IVNS1ABP: variants seen among roughly 807,000 people sequenced by gnomAD.
IVNS1ABP encodes influenza virus NS1A binding protein.
Under a neutral mutation model 78.9 loss-of-function variants are expected in IVNS1ABP, and 25 were observed. The observed-to-expected ratio is 0.32, with a 90% CI of 0.23 to 0.44. The LOEUF is 0.44. Among genes scored for constraint, IVNS1ABP ranks in the 20% least tolerant of loss-of-function variants. The pLI is 1.00. For missense variants in IVNS1ABP, 494 were observed against 768.9 expected, an observed-to-expected ratio of 0.64 and a Z score of 4.23; for synonymous variants, 241 against 259.7, an observed-to-expected ratio of 0.93 and a Z score of 0.69.
chr1:185,315,392 T>A lies in IVNS1ABP; in HGVS notation c.-247+1561A>T, dbSNP rs576199472. 6.0e-4 allele frequency among the ~76,000 whole-genome samples: 91 copies of A among 152,314 alleles called. 3 individuals are homozygous for A. The South Asian group carries it at 0.019, about 31-fold the overall frequency. On this transcript the variant is annotated intron_variant, in intron 1 of 14. Transcript: ENST00000367498. Reference sequence around the variant, plus strand: ...AAATGTTTTGTCTTGGGGGGAAAGTTAGAAAATCAACTACAAATTAAGACA... The same window carrying A: ...AAATGTTTTGTCTTGGGGGGAAAGTAAGAAAATCAACTACAAATTAAGACA...
chr1:185,313,168 T>G (rs1665930096), intron 1 of IVNS1ABP, among the ~76,000 whole-genome samples: 1 of 152,194 alleles, frequency 6.6e-6, no homozygotes, highest in Middle Eastern at 3.2e-3. Flanking sequence ...ACTGCAGCCC[T>G]TGGAGAAAAC....
rs1206511413 is a variant in IVNS1ABP at position 185,306,417 on chromosome 1, T to C, written c.657+597A>G. The C allele has an allele frequency of 9.1e-6, 11 of 1,213,188 alleles. No homozygotes were observed. In the South Asian group the frequency reaches 1.3e-4, roughly 14 times the overall value. 75.2% of individuals were successfully genotyped at this position (1,213,188 alleles called of 1,614,324 possible). ...GTAGCCCAAGTTAAGTGAGTGACTA[T>C]ATGTATGAACAACACCATTGAAAAA... On this transcript the variant is annotated intron_variant, in intron 7 of 14. Transcript: ENST00000367498.
chr1:185,314,363 TTAACTCAGTTCTC>T (rs1180404220), intron 1 of IVNS1ABP, among the ~76,000 whole-genome samples: 23 of 152,290 alleles, frequency 1.5e-4, no homozygotes, highest in African/African-American at 5.5e-4. Flanking sequence ...ACAATAGAAG[TTAACTCAGTTCTC>T]TAGCCTGGAA....
intron 8 of IVNS1ABP, among the ~76,000 whole-genome samples, chr1:185,302,653 T>A (rs1385852482): frequency 6.6e-6 from 1 of 152,160 alleles, no homozygotes; most frequent in African/African-American, 2.4e-5. Context: ...GGTTACAACA[T>A]ACGTAGGCTA....
chr1:185,302,923 T>C (rs981435141), intron 8 of IVNS1ABP, among the ~76,000 whole-genome samples: 4 of 152,146 alleles, frequency 2.6e-5, no homozygotes, highest in African/African-American at 7.2e-5. Flanking sequence ...TGACAAGTTA[T>C]GTCATACTAT....
Position 185,309,527 on chromosome 1 carries a change from A to C in IVNS1ABP, c.-18-16T>G, listed in dbSNP as rs1306968258. The C allele has an allele frequency of 7.8e-7, 1 of 1,276,768 alleles. No homozygotes were observed. The highest frequency in any genetic ancestry group is 1.2e-5 in the South Asian group (1 of 83,262). The allele number at this position is 1,276,768 out of a possible 1,614,324, so 79.1% of individuals were successfully genotyped here. ...ATAAATTTGGCTAGATGATGAAAAG[A>C]AAGCTGAGTTATTTTACTTGCAACT... is the stretch of plus-strand genomic sequence containing the variant. On this transcript the variant is annotated splice_polypyrimidine_tract_variant and intron_variant, in intron 2 of 14. Coordinates refer to ENST00000367498, the MANE Select transcript of IVNS1ABP (RefSeq NM_006469.5).
chr1:185,306,523 T>C, intron 7 of IVNS1ABP: 1 of 1,289,508 alleles, frequency 7.8e-7, no homozygotes, highest in Non-Finnish European at 1.0e-6. Flanking sequence ...AGCGGATTTT[T>C]CTTAGGAGAA....
At chr1:185,306,987 T>A in intron 7 of IVNS1ABP, 27 bp downstream of exon 7, 1 of 1,607,494 alleles carries the variant, frequency 6.2e-7, no homozygotes, top group Non-Finnish European at 8.5e-7. Flanking sequence ...TTAAAAATGG[T>A]TGAATCCCAT....
In IVNS1ABP at chr1:185,298,191, A is replaced by G; in HGVS notation, c.1773T>C (p.Asn591=). Residue 591 remains asparagine (N), a synonymous_variant, in exon 15 of 15, where the codon AAT becomes AAC. Coordinates refer to ENST00000367498, the MANE Select transcript of IVNS1ABP (RefSeq NM_006469.5). The surrounding 1 kb of genome is among the most constrained non-coding windows in gnomAD (Gnocchi z 4.1). The part of the protein sequence containing the change: ...PTRNEWKMMG[N]MTSPRSNAGI... ...CAGCATTGCTCCTTGGTGAAGTCAT[A>G]TTTCCCATCATCTTCCATTCATTTC... 1 of 1,613,790 alleles carries G rather than the reference A, an allele frequency of 6.2e-7. No homozygotes were observed. Among genetic ancestry groups the G allele is most frequent in the Non-Finnish European group, 8.5e-7 (1 of 1,179,820 alleles).
Position 185,307,644 on chromosome 1 carries a change from G to A in IVNS1ABP, c.376C>T (p.Leu126=). Residue 126 remains leucine (L), a synonymous_variant, in exon 6 of 15, where the codon CTG becomes TTG. Transcript: ENST00000367498. ...CAGCTGGTAACATCCATTCTAGACA[G>A]TAAATAATCACCACAAACCTTGGAA... The part of the protein sequence containing the change: ...RVKQVCGDYL[L]SRMDVTSCIS... The A allele has an allele frequency of 1.2e-6, 2 of 1,612,764 alleles. No homozygotes were observed. The highest frequency in any genetic ancestry group is 1.7e-6 in the Non-Finnish European group (2 of 1,179,366).
rs766839549 is a variant in IVNS1ABP at position 185,297,163 on chromosome 1, A to C, written c.*872T>G. Reference sequence around the variant, plus strand: ...TAGGACTGTTTTGTTAATAATAAAAACAGGAATTATATAGAAGATAAAACA... The same window carrying C: ...TAGGACTGTTTTGTTAATAATAAAACCAGGAATTATATAGAAGATAAAACA... On this transcript the variant is annotated 3_prime_UTR_variant, in exon 15 of 15. Transcript: ENST00000367498. 3 of 152,166 alleles carry C rather than the reference A, an allele frequency of 2.0e-5. No homozygotes were observed. Among genetic ancestry groups the C allele is most frequent in the Non-Finnish European group, 2.9e-5 (2 of 68,020 alleles). The allele number at this position is 152,166 out of a possible 1,614,324, so 9.4% of individuals were successfully genotyped here. A position where few individuals can be genotyped will look rare whatever the true frequency, so the allele number is the denominator to read the frequency against.
chr1:185,301,304 T>C (rs1395659539), intron 9 of IVNS1ABP, 108 bp from the exon 10 acceptor site: 1 of 1,420,760 alleles, frequency 7.0e-7, no homozygotes, highest in African/African-American at 1.4e-5. Context: ...AACAATCTGC[T>C]CTCGTTTTCC....
chr1:185,309,901 A>C (rs748056467), intron 2 of IVNS1ABP, among the ~76,000 whole-genome samples: 5 of 152,180 alleles, frequency 3.3e-5, no homozygotes, highest in Non-Finnish European at 7.4e-5. Flanking sequence ...GTTTCCTTGG[A>C]TTTGGGCTCC....
intron 9 of IVNS1ABP, 114 bp downstream of exon 9, chr1:185,301,320 T>A: frequency 6.9e-7 from 1 of 1,456,286 alleles, no homozygotes; most frequent in East Asian, 2.3e-5. Context: ...TTTCCAAATT[T>A]AATTGCTTCT....
At chr1:185,302,750 G>A (rs74890596) in intron 8 of IVNS1ABP, among the ~76,000 whole-genome samples, 1,757 of 152,018 alleles carry the variant, frequency 0.012, 68 homozygotes, top group East Asian at 0.086. Context: ...GGTATTACTA[G>A]GTACTTTATT....
chr1:185,300,714 G>C, intron 10 of IVNS1ABP, 156 bp from the exon 11 acceptor site: 1 of 787,914 alleles, frequency 1.3e-6, no homozygotes, highest in Non-Finnish European at 2.0e-6. Flanking sequence ...GCTTGTAATA[G>C]CTGAAAAATC....
At chr1:185,306,008 T>G (rs565883696) in intron 7 of IVNS1ABP, 1 of 185,526 alleles carries the variant, frequency 5.4e-6, no homozygotes, top group South Asian at 1.0e-4. Flanking sequence ...ATACTGAATA[T>G]AGTTTACACC....
rs2102813117 is a variant in IVNS1ABP at position 185,300,470 on chromosome 1, T to C, written c.1209A>G (p.Thr403=). 6.2e-7 allele frequency: 1 copy of C among 1,613,734 alleles called. No homozygotes were observed. The highest frequency in any genetic ancestry group is 2.2e-5 in the East Asian group (1 of 44,870). The change falls in exon 11 of 15, where the codon ACA becomes ACG. Residue 403 remains threonine, a synonymous_variant. Coordinates refer to ENST00000367498, the MANE Select transcript of IVNS1ABP (RefSeq NM_006469.5). ...DHWSFLAPMR[T]PRARFQMAVL... is the part of the protein sequence containing the mutation. ...CAGCCATTTGAAATCGGGCTCTTGG[T>C]GTTCTCATGGGAGCAAGAAAGGACC...
chr1:185,313,967 T>G (rs1458701123), intron 1 of IVNS1ABP, among the ~76,000 whole-genome samples: 1 of 152,140 alleles, frequency 6.6e-6, no homozygotes. Context: ...TGAAATACAA[T>G]TCAACAGGTC....
Sources: gnomAD v4.1 joint callset for allele counts (sites outside exome capture counted in the v4.1 genomes callset) on GRCh38, gnomAD v4.1.1 for gene constraint, Gnocchi (gnomAD v3.1) non-coding constraint, MANE v1.5 for transcripts, NCBI Gene and HGNC (gene_info 2026-07-23, HGNC 2026-07-21) for gene names.